SNRPN: variants seen among roughly 807,000 people sequenced by gnomAD.
The protein encoded by SNRPN is small nuclear ribonucleoprotein polypeptide N, also known as small nuclear ribonucleoprotein-associated protein N.
Under a neutral mutation model 25.2 loss-of-function variants are expected in SNRPN, and 7 were observed. The ratio of observed to expected loss-of-function variants is 0.28; its 90% CI spans 0.16 to 0.52. SNRPN has a LOEUF of 0.52. Ranked by LOEUF, SNRPN falls within the 20% of genes least tolerant of loss-of-function variation. SNRPN has a pLI of 0.96. For missense variants in SNRPN, 196 were observed against 322.5 expected (o/e 0.61, Z 3.00); for synonymous variants, 124 against 110.6 (o/e 1.12, Z -0.76).
intron 3 of SNRPN, among the ~76,000 whole-genome samples, chr15:24,937,405 G>A (rs1009466533): frequency 5.9e-5 from 9 of 152,016 alleles, no homozygotes; most frequent in Non-Finnish European, 8.8e-5. Flanking sequence ...ATGGTGATGT[G>A]CACCTGTAGT....
intron 2 of SNRPN, among the ~76,000 whole-genome samples, chr15:24,910,517 A>G (rs1020780654): frequency 6.6e-6 from 1 of 152,008 alleles, no homozygotes; most frequent in Non-Finnish European, 1.5e-5. Flanking sequence ...ATTGAGATGG[A>G]GTCTTGCTCT....
chr15:24,963,069 A>C (rs2075087473), intron 2 of SNRPN, among the ~76,000 whole-genome samples: 1 of 152,150 alleles, frequency 6.6e-6, no homozygotes, highest in African/African-American at 2.4e-5. Context: ...TGTCCTATGC[A>C]TTGTGTGTGT....
intron 2 of SNRPN, among the ~76,000 whole-genome samples, chr15:24,908,218 A>G (rs918511749): frequency 6.6e-6 from 1 of 152,144 alleles, no homozygotes; most frequent in Non-Finnish European, 1.5e-5. Flanking sequence ...AGGCTCAGTT[A>G]TTATGCTTAG....
chr15:24,978,283 C>A lies in SNRPN; in HGVS notation c.650C>A (p.Pro217His). Residue 217 changes from proline to histidine, a missense_variant, in exon 9 of 10, where the codon CCT becomes CAT. Coordinates refer to ENST00000390687, the MANE Select transcript of SNRPN (RefSeq NM_003097.6). ...PARGTPIGMP[P>H]PGMRPPPPGI... ...CGAGGGACGCCAATAGGCATGCCGC[C>A]TCCGGGAATGAGACCCCCTCCACCA... is the stretch of plus-strand genomic sequence containing the variant. 6.2e-7 allele frequency: 1 copy of A among 1,614,140 alleles called. No homozygotes were observed. Among genetic ancestry groups the A allele is most frequent in the Non-Finnish European group, 8.5e-7 (1 of 1,179,994 alleles).
At chr15:24,951,990 G>A (rs893944959), upstream of SNRPN, among the ~76,000 whole-genome samples, 5 of 151,970 alleles carry the variant, frequency 3.3e-5, no homozygotes, top group African/African-American at 9.7e-5. Flanking sequence ...TTTGTTTTAG[G>A]TGTCATATCT....
chr15:24,837,570 C>T (rs373581236), intron 2 of SNRPN, among the ~76,000 whole-genome samples: 1,530 of 151,632 alleles, frequency 0.01, 28 homozygotes, highest in African/African-American at 0.036. Context: ...GGGGTTTCAC[C>T]GTGTTAGCTA....
At chr15:24,949,202 A>T (rs927745014) in intron 3 of SNRPN, among the ~76,000 whole-genome samples, 1 of 151,228 alleles carries the variant, frequency 6.6e-6, no homozygotes, top group African/African-American at 2.4e-5. Flanking sequence ...TTGTATTTTT[A>T]GTAGAGACAA....
At chr15:24,955,820 C>T (rs1041849362) in intron 1 of SNRPN, among the ~76,000 whole-genome samples, 1 of 150,056 alleles carries the variant, frequency 6.7e-6, no homozygotes, top group African/African-American at 2.5e-5. Flanking sequence ...ACTTTGGCGG[C>T]GGTAGGCATG....
chr15:24,904,067 A>C (rs2058640367), intron 2 of SNRPN, among the ~76,000 whole-genome samples: 1 of 152,028 alleles, frequency 6.6e-6, no homozygotes, highest in Non-Finnish European at 1.5e-5. Flanking sequence ...GGAGCAAGAA[A>C]AAGGAAAAAG....
chr15:24,851,880 C>T (rs761518551), upstream of SNRPN: 1 of 152,180 alleles, frequency 6.6e-6, no homozygotes, highest in Non-Finnish European at 1.5e-5. Flanking sequence ...CACTGAGACT[C>T]GCCCCATCCC....
intron 1 of SNRPN, among the ~76,000 whole-genome samples, chr15:24,958,546 G>C (rs867760021): frequency 9.1e-6 from 1 of 109,432 alleles, no homozygotes; most frequent in South Asian, 3.3e-4. Flanking sequence ...TCCCTATGTT[G>C]TCCAGGCTGA....
intron 1 of SNRPN, among the ~76,000 whole-genome samples, chr15:24,862,798 G>T (rs376137433): frequency 2.7e-5 from 4 of 150,834 alleles, no homozygotes; most frequent in East Asian, 2.0e-4. Context: ...AAGAGTGAGG[G>T]GCAGGGGATC....
chr15:24,876,616 C>CA (rs397943017), intron 1 of SNRPN, among the ~76,000 whole-genome samples: 7,734 of 88,744 alleles, frequency 0.087, 377 homozygotes, highest in African/African-American at 0.13. Context: ...GACTCCATCT[C>CA]AAAAAAAAAA....
At chr15:24,884,999 G>A (rs899292632) in intron 1 of SNRPN, among the ~76,000 whole-genome samples, 1 of 152,178 alleles carries the variant, frequency 6.6e-6, no homozygotes, top group African/African-American at 2.4e-5. Flanking sequence ...TTATGTAAGT[G>A]TCTTGTCTAT....
intron 2 of SNRPN, among the ~76,000 whole-genome samples, chr15:24,833,694 T>G (rs1196807330): frequency 7.9e-6 from 1 of 126,562 alleles, no homozygotes; most frequent in Non-Finnish European, 1.7e-5. Context: ...TCAAGGAGAA[T>G]GAACAGACCC....
rs1249669013 is a variant in SNRPN at position 24,909,507 on chromosome 15, C to T, written c.-504-10504C>T. The stretch of plus-strand genomic sequence containing the variant: ...CCAAACCTACTGAGAAGCCTGCGGG[C>T]CAGCGGCAGGCCAGTACAATATGCT... On this transcript the variant is annotated intron_variant, in intron 2 of 11. Transcript: ENST00000400097. The T allele has an allele frequency of 1.0e-5, 16 of 1,524,706 alleles. No homozygotes were observed. The South Asian group carries it at 1.5e-4, about 14-fold the overall frequency. 94.4% of individuals were successfully genotyped at this position (1,524,706 alleles called of 1,614,324 possible). A position where few individuals can be genotyped will look rare whatever the true frequency, so the allele number is the denominator to read the frequency against.
intron 2 of SNRPN, among the ~76,000 whole-genome samples, chr15:24,918,494 G>GTGTGTATATATAACATAATATATATA (rs1595890936): frequency 8.0e-6 from 1 of 125,746 alleles, no homozygotes; most frequent in Non-Finnish European, 1.6e-5. Context: ...TAATATATAT[G>GTGTGTATATATAACATAATATATATA]TGTGTATATA....
chr15:24,848,356 G>C (rs899633249), intron 2 of SNRPN: 1 of 152,464 alleles, frequency 6.6e-6, no homozygotes, highest in African/African-American at 2.4e-5. Flanking sequence ...GCTTCAAGCG[G>C]ATCTCTTCCG....
intron 3 of SNRPN, among the ~76,000 whole-genome samples, chr15:24,935,990 C>T (rs1339030505): frequency 6.6e-6 from 1 of 151,884 alleles, no homozygotes; most frequent in African/African-American, 2.4e-5. Flanking sequence ...TAGCGCATGC[C>T]TGAAGTCCCA....
Sources: gnomAD v4.1 joint callset for allele counts (sites outside exome capture counted in the v4.1 genomes callset) on GRCh38, gnomAD v4.1.1 for gene constraint, MANE v1.5 for transcripts, NCBI Gene and HGNC (gene_info 2026-07-23, HGNC 2026-07-21) for gene names.